Variants in ZSCAN25 observed in about 807,000 individuals in gnomAD.
ZSCAN25 encodes the protein zinc finger and SCAN domain containing 25, also known as zinc finger and SCAN domain-containing protein 25.
In ZSCAN25, 27 loss-of-function variants were observed where a neutral mutation model predicts 38.7. The observed-to-expected ratio is 0.70, with a 90% CI of 0.51 to 0.96. The LOEUF is 0.96. Ranked by LOEUF, ZSCAN25 falls within the 40% of genes least tolerant of loss-of-function variation. The pLI is 0.00. For synonymous variants in ZSCAN25, 273 were observed against 277.7 expected, an observed-to-expected ratio of 0.98 and a Z score of 0.17; for missense variants, 637 against 705.9, an observed-to-expected ratio of 0.90 and a Z score of 1.11.
chr7:99,680,542 C>CAG, the ZSCAN25 span, among the ~76,000 whole-genome samples: 1 of 152,138 alleles, frequency 6.6e-6, no homozygotes, highest in Non-Finnish European at 1.5e-5. Flanking sequence ...GAGGTGAGCT[C>CAG]CTCAAGGGCA....
the ZSCAN25 span, chr7:99,652,408 T>A: frequency 1.7e-6 from 1 of 598,672 alleles, no homozygotes; most frequent in Non-Finnish European, 2.8e-6. Flanking sequence ...GTTTGTAAAG[T>A]TTGATAATTA....
the ZSCAN25 span, among the ~76,000 whole-genome samples, chr7:99,654,050 A>G: frequency 6.6e-6 from 1 of 151,988 alleles, no homozygotes; most frequent in Non-Finnish European, 1.5e-5. Context: ...TGTGAGCAAT[A>G]AATGCTTCTC....
At chr7:99,679,129 G>A in the ZSCAN25 span, among the ~76,000 whole-genome samples, 5 of 152,236 alleles carry the variant, frequency 3.3e-5, no homozygotes, top group South Asian at 2.1e-4. Flanking sequence ...ATAAATCCTC[G>A]AAACTTCCTC....
At chr7:99,693,725 G>A in the ZSCAN25 span, among the ~76,000 whole-genome samples, 3 of 152,270 alleles carry the variant, frequency 2.0e-5, no homozygotes, top group Non-Finnish European at 4.4e-5. Flanking sequence ...CGAGGCACGG[G>A]AGGGTATCTC....
At chr7:99,717,121 A>G in the ZSCAN25 span, 4 of 1,607,902 alleles carry the variant, frequency 2.5e-6, no homozygotes, top group Admixed American at 5.0e-5. Context: ...GCTCCATAGC[A>G]GGCAGCTGGA....
At chr7:99,701,291 T>A in the ZSCAN25 span, among the ~76,000 whole-genome samples, 1 of 152,238 alleles carries the variant, frequency 6.6e-6, no homozygotes, top group African/African-American at 2.4e-5. Context: ...TCTCATGCTT[T>A]TTTCATGGCT....
downstream of ZSCAN25, among the ~76,000 whole-genome samples, chr7:99,634,665 T>A (rs1166386281): frequency 2.0e-5 from 3 of 152,140 alleles, no homozygotes; most frequent in African/African-American, 7.2e-5. Context: ...GGCATGGTGG[T>A]GGGCACCTGT....
the ZSCAN25 span, chr7:99,708,919 T>G: frequency 8.0e-7 from 1 of 1,253,478 alleles, no homozygotes; most frequent in Non-Finnish European, 1.1e-6. Flanking sequence ...GAAAAAACCT[T>G]TTAAACATAA....
Position 99,629,164 on chromosome 7 carries a change from C to A in ZSCAN25, c.806-27C>A. On this transcript the variant is annotated intron_variant, in intron 7 of 7. Coordinates refer to ENST00000394152, the MANE Select transcript of ZSCAN25 (RefSeq NM_145115.3). The surrounding 1 kb of genome is among the most constrained non-coding windows in gnomAD (Gnocchi z 5.6). ...AAATGTCCTGCGGCTACCACAGAATCAATCTTTATCTCCTCCTGTCCTGTA... is the reference window on the plus strand; with the variant it reads ...AAATGTCCTGCGGCTACCACAGAATAAATCTTTATCTCCTCCTGTCCTGTA... The A allele has an allele frequency of 6.4e-7, 1 of 1,564,746 alleles. No homozygotes were observed. Among genetic ancestry groups the A allele is most frequent in the South Asian group, 1.2e-5 (1 of 83,396 alleles).
the ZSCAN25 span, among the ~76,000 whole-genome samples, chr7:99,735,799 T>C: frequency 6.6e-6 from 1 of 152,214 alleles, no homozygotes. Flanking sequence ...TAGTCTGGTC[T>C]TACTCACTCT....
chr7:99,695,760 A>G, the ZSCAN25 span: 2 of 1,613,520 alleles, frequency 1.2e-6, no homozygotes, highest in East Asian at 2.2e-5. Context: ...TGGTAGGACA[A>G]AGTAGTTCCC....
downstream of ZSCAN25, among the ~76,000 whole-genome samples, chr7:99,636,724 A>G (rs1273902758): frequency 6.6e-6 from 1 of 152,246 alleles, no homozygotes; most frequent in East Asian, 1.9e-4. Context: ...TTCTGCATCA[A>G]GCATTAACAT....
At chr7:99,693,075 G>A in the ZSCAN25 span, among the ~76,000 whole-genome samples, 1 of 152,112 alleles carries the variant, frequency 6.6e-6, no homozygotes, top group Admixed American at 6.5e-5. Context: ...TACAAATGGG[G>A]TTTTGGTGTG....
chr7:99,720,473 AC>A, the ZSCAN25 span: 1 of 1,594,232 alleles, frequency 6.3e-7, no homozygotes, highest in Non-Finnish European at 8.6e-7. Flanking sequence ...CTGGAGCCAA[AC>A]CCAGGAAGCC....
In ZSCAN25 at chr7:99,632,320, T is replaced by A. The variant is rs1300733436; in HGVS notation, c.*2300T>A. ...TCTGTATTTTTCTATTCTTTAGAAA[T>A]TTTTTTATAATAGATAATTTCAAAC... On this transcript the variant is annotated 3_prime_UTR_variant, in exon 8 of 8. Transcript: ENST00000394152. 1.1e-6 allele frequency: 1 copy of A among 873,476 alleles called. No homozygotes were observed. Among genetic ancestry groups the A allele is most frequent in the Non-Finnish European group, 1.4e-6 (1 of 728,660 alleles). The allele number at this position is 873,476 out of a possible 1,614,324, so 54.1% of individuals were successfully genotyped here. A position where few individuals can be genotyped will look rare whatever the true frequency, so the allele number is the denominator to read the frequency against.
the ZSCAN25 span, among the ~76,000 whole-genome samples, chr7:99,703,489 AAC>A: frequency 1.3e-5 from 2 of 152,192 alleles, no homozygotes; most frequent in East Asian, 3.8e-4. Flanking sequence ...CACACACACA[AAC>A]ACATGTATAC....
chr7:99,719,016 G>A, the ZSCAN25 span, among the ~76,000 whole-genome samples: 1 of 152,150 alleles, frequency 6.6e-6, no homozygotes, highest in African/African-American at 2.4e-5. Context: ...CTAAGGAAAT[G>A]GAGAGGCATA....
At chr7:99,709,585 A>G in the ZSCAN25 span, among the ~76,000 whole-genome samples, 1 of 152,324 alleles carries the variant, frequency 6.6e-6, no homozygotes, top group African/African-American at 2.4e-5. Context: ...CTAGCATCAA[A>G]TAAAATATGA....
At chr7:99,699,935 A>G in the ZSCAN25 span, 2 of 1,482,172 alleles carry the variant, frequency 1.3e-6, no homozygotes, top group South Asian at 1.1e-5. Context: ...CCAAGTTAAC[A>G]GAGGAGAGGA....
Sources: gnomAD v4.1 joint callset for allele counts (sites outside exome capture counted in the v4.1 genomes callset) on GRCh38, gnomAD v4.1.1 for gene constraint, Gnocchi (gnomAD v3.1) non-coding constraint, MANE v1.5 for transcripts, NCBI Gene and HGNC (gene_info 2026-07-23, HGNC 2026-07-21) for gene names.